The following SIDT1 variants were observed in gnomAD, a reference collection of about 807,000 sequenced individuals.
The protein encoded by SIDT1 is SID1 transmembrane family member 1.
SIDT1 carries 101 observed loss-of-function variants against 107.5 expected under a neutral mutation model. The ratio of observed to expected loss-of-function variants is 0.94; its 90% CI spans 0.80 to 1.11. The LOEUF (loss-of-function observed/expected upper bound fraction) is 1.11. Ranked by LOEUF, SIDT1 falls within the 50% of genes least tolerant of loss-of-function variation. The pLI is 0.00. For synonymous variants in SIDT1, 395 were observed against 398.2 expected (o/e 0.99, Z 0.10); for missense variants, 1,076 against 1,058.2 (o/e 1.02, Z -0.23).
At chr3:113,590,923 C>CA (rs1279567783) in intron 9 of SIDT1, among the ~76,000 whole-genome samples, 1 of 152,134 alleles carries the variant, frequency 6.6e-6, no homozygotes, top group Non-Finnish European at 1.5e-5. Flanking sequence ...GTCTAATCTC[C>CA]AGAACCTGTG....
intron 10 of SIDT1, among the ~76,000 whole-genome samples, chr3:113,597,508 A>AAC (rs1285215413): frequency 6.6e-6 from 1 of 151,738 alleles, no homozygotes; most frequent in Non-Finnish European, 1.5e-5. Flanking sequence ...AAAAAAAAAA[A>AAC]AAAAAAAAAA....
chr3:113,617,831 C>T (rs917878096), intron 20 of SIDT1, among the ~76,000 whole-genome samples: 1 of 151,980 alleles, frequency 6.6e-6, no homozygotes, highest in African/African-American at 2.4e-5. Flanking sequence ...TCCCATATAC[C>T]CTCTGCCCCC....
chr3:113,559,805 C>T (rs1444738317), intron 1 of SIDT1, among the ~76,000 whole-genome samples: 3 of 151,956 alleles, frequency 2.0e-5, no homozygotes, highest in East Asian at 1.9e-4. Flanking sequence ...TTTTCTTATG[C>T]GTTTTAAGGG....
chr3:113,597,514 A>AC (rs1158214820), intron 10 of SIDT1, among the ~76,000 whole-genome samples: 5 of 148,884 alleles, frequency 3.4e-5, no homozygotes, highest in Admixed American at 6.8e-5. Context: ...AAAAAAAAAA[A>AC]AAAAAATCAT....
chr3:113,602,953 C>T (rs1945062653), intron 11 of SIDT1, 52 bp from the exon 12 acceptor site: 1 of 1,593,106 alleles, frequency 6.3e-7, no homozygotes. Flanking sequence ...GACGAATGGG[C>T]TCCGTAGGCT....
chr3:113,600,679 A>G (rs945866791), intron 10 of SIDT1, among the ~76,000 whole-genome samples: 7 of 152,298 alleles, frequency 4.6e-5, no homozygotes, highest in Non-Finnish European at 8.8e-5. Context: ...ATTGCACACA[A>G]CATCTTCACA....
intron 10 of SIDT1, among the ~76,000 whole-genome samples, chr3:113,595,534 G>A (rs936711734): frequency 2.6e-5 from 4 of 151,066 alleles, no homozygotes; most frequent in East Asian, 3.9e-4. Flanking sequence ...AGCTGAGATC[G>A]CACCACTGCA....
intron 10 of SIDT1, among the ~76,000 whole-genome samples, chr3:113,597,415 T>C (rs1273063046): frequency 6.8e-6 from 1 of 147,068 alleles, no homozygotes. Context: ...GGGAATCACT[T>C]GAACCCGGGA....
At chr3:113,626,035 G>C in intron 23 of SIDT1, 67 bp from the exon 24 acceptor site, 4 of 1,097,004 alleles carry the variant, frequency 3.6e-6, no homozygotes, top group Non-Finnish European at 5.6e-6. Context: ...TGGCTTTCTG[G>C]ACGTTCAACT....
chr3:113,602,761 C>T (rs1945049526), intron 11 of SIDT1: 3 of 357,622 alleles, frequency 8.4e-6, no homozygotes, highest in Admixed American at 9.1e-5. Context: ...GAGCAGATGC[C>T]CTTAGATTCT....
intron 1 of SIDT1, among the ~76,000 whole-genome samples, chr3:113,552,049 C>T (rs930830351): frequency 6.6e-6 from 1 of 152,122 alleles, no homozygotes; most frequent in African/African-American, 2.4e-5. Flanking sequence ...GTTTCTGTCC[C>T]TCTAGATTTA....
At chr3:113,585,335 A>G in intron 9 of SIDT1, 65 bp downstream of exon 9, 1 of 1,168,468 alleles carries the variant, frequency 8.6e-7, no homozygotes. Context: ...CTTGCAGCAC[A>G]GACTTGACAG....
Position 113,566,378 on chromosome 3 carries a change from A to G in SIDT1, c.223-42A>G, listed in dbSNP as rs529220976. On this transcript the variant is annotated intron_variant, in intron 1 of 24. Transcript: ENST00000264852. ...TGTGTGTGTGTGTTTGCATGTGTGC[A>G]TGTGCACGTTTTGCATTACCTCTTT... 4.4e-6 allele frequency: 7 copies of G among 1,592,242 alleles called. No individual in the cohort carries two copies. The East Asian group carries it at 1.3e-4, about 31-fold the overall frequency.
intron 1 of SIDT1, among the ~76,000 whole-genome samples, chr3:113,551,762 A>G (rs1056435657): frequency 5.9e-5 from 9 of 152,090 alleles, no homozygotes; most frequent in African/African-American, 1.7e-4. Flanking sequence ...AAAGAGCCAC[A>G]GCCTCCCATG....
At chr3:113,611,172 C>A (rs568819190) in intron 18 of SIDT1, 28 bp downstream of exon 18, 12 of 1,609,408 alleles carry the variant, frequency 7.5e-6, no homozygotes, top group Middle Eastern at 1.7e-4. Context: ...TTCCACCTGG[C>A]TCTCGAAAAG....
At chr3:113,539,447 G>A (rs1278086232) in intron 1 of SIDT1, among the ~76,000 whole-genome samples, 1 of 152,108 alleles carries the variant, frequency 6.6e-6, no homozygotes, top group Non-Finnish European at 1.5e-5. Flanking sequence ...TCTATTCCTT[G>A]GAGCAATAGA....
chr3:113,565,769 C>T (rs771478768), intron 1 of SIDT1, among the ~76,000 whole-genome samples: 8 of 151,994 alleles, frequency 5.3e-5, no homozygotes, highest in East Asian at 1.9e-4. Flanking sequence ...TCTGGGGAAG[C>T]GTCATGATTT....
At position 113,581,430 on chromosome 3, in the gene SIDT1, G is replaced by A. The variant is rs1170722348; in HGVS notation, c.733G>A (p.Ala245Thr). The A allele has an allele frequency of 2.5e-6, 4 of 1,613,680 alleles. No homozygotes were observed. Among genetic ancestry groups the A allele is most frequent in the East Asian group, 4.5e-5 (2 of 44,878 alleles). Reference protein sequence around the residue: ...GVYQSMTKKAAITLQKKDFPG... With the variant: ...GVYQSMTKKATITLQKKDFPG... ...CTATCAGTCCATGACCAAGAAAGCTGCCATCACGCTACAGGTGAGGCATTG... is the reference window on the plus strand; with the variant it reads ...CTATCAGTCCATGACCAAGAAAGCTACCATCACGCTACAGGTGAGGCATTG... Residue 245 changes from alanine to threonine, a missense_variant, in exon 6 of 25, where the codon GCC becomes ACC. Physicochemically the swap from Ala to Thr is moderately conservative, Grantham distance 58. Coordinates refer to ENST00000264852, the MANE Select transcript of SIDT1 (RefSeq NM_017699.3).
chr3:113,636,473 T>TG, the SIDT1 span, among the ~76,000 whole-genome samples: 37 of 151,780 alleles, frequency 2.4e-4, no homozygotes, highest in Middle Eastern at 3.4e-3. Context: ...AAAAAAAAGG[T>TG]GGGGGGGATA....
Sources: allele counts gnomAD v4.1 joint callset (sites outside exome capture counted in the v4.1 genomes callset), GRCh38; gene constraint gnomAD v4.1.1; transcripts MANE v1.5; gene names NCBI Gene and HGNC (gene_info 2026-07-23, HGNC 2026-07-21).